GAN: variants seen among roughly 807,000 people sequenced by gnomAD.
GAN encodes the protein gigaxonin.
Under a neutral mutation model 71.3 loss-of-function variants are expected in GAN, and 48 were observed. The ratio of observed to expected loss-of-function variants is 0.67; its 90% CI spans 0.53 to 0.86. The LOEUF (loss-of-function observed/expected upper bound fraction) is 0.86. GAN is among the 40% of genes least tolerant of loss of function. The pLI is 0.00. For synonymous variants in GAN, 386 were observed against 276.8 expected, an observed-to-expected ratio of 1.39 and a Z score of -3.92; for missense variants, 928 against 770.1, an observed-to-expected ratio of 1.21 and a Z score of -2.43.
intron 1 of GAN, among the ~76,000 whole-genome samples, chr16:81,331,574 C>T (rs1909578527): frequency 6.6e-6 from 1 of 152,162 alleles, no homozygotes; most frequent in South Asian, 2.1e-4. Context: ...TAAGGAGCGG[C>T]TCCATTTCCC....
intron 9 of GAN, among the ~76,000 whole-genome samples, chr16:81,370,182 A>G (rs1171587682): frequency 1.3e-5 from 2 of 152,180 alleles, no homozygotes; most frequent in Non-Finnish European, 2.9e-5. Flanking sequence ...GTCCACAGAG[A>G]TTTTAATCAT....
At position 81,328,675 on chromosome 16, in the gene GAN, A is replaced by AT. The variant is rs909546198; in HGVS notation, c.167+13403dup. ...TTTTTTTTTTTTTAGATCTATCACC[A>AT]TTTTTTTTAGATCTATCACCATTCC... On this transcript the variant is annotated intron_variant, in intron 1 of 10. Transcript: ENST00000648994. 1.2e-4 allele frequency among the ~76,000 whole-genome samples: 18 copies of AT among 147,936 alleles called. No individual in the cohort carries two copies. In the East Asian group the frequency reaches 2.0e-3, roughly 16 times the overall value.
rs184265806 is a variant in GAN at position 81,368,673 on chromosome 16, C to T, written c.1502+3195C>T. On this transcript the variant is annotated intron_variant, in intron 9 of 10. Coordinates refer to ENST00000648994, the MANE Select transcript of GAN (RefSeq NM_022041.4). ...CAACTCATCAGTTGCCAGGTCTGGTCCTTTTTTAAATCTTGGTAGCATTTT... is the reference window on the plus strand; with the variant it reads ...CAACTCATCAGTTGCCAGGTCTGGTTCTTTTTTAAATCTTGGTAGCATTTT... Among the ~76,000 whole-genome samples the T allele has an allele frequency of 1.8e-3, 273 of 152,056 alleles. 1 individual carries two copies. Among genetic ancestry groups the T allele is most frequent in the African/African-American group, 6.1e-3 (255 of 41,560 alleles).
At chr16:81,328,535 G>T (rs761300898) in intron 1 of GAN, among the ~76,000 whole-genome samples, 1 of 152,166 alleles carries the variant, frequency 6.6e-6, no homozygotes, top group Non-Finnish European at 1.5e-5. Context: ...ACCTACTTTG[G>T]AGACTATATC....
chr16:81,320,438 C>T (rs1038066889), intron 1 of GAN, among the ~76,000 whole-genome samples: 21 of 152,194 alleles, frequency 1.4e-4, no homozygotes, highest in Non-Finnish European at 2.5e-4. Context: ...AATACACTCC[C>T]GAGGCAGCAG....
intron 2 of GAN, among the ~76,000 whole-genome samples, chr16:81,352,191 T>C (rs1230206644): frequency 6.6e-6 from 1 of 152,172 alleles, no homozygotes; most frequent in Non-Finnish European, 1.5e-5. Flanking sequence ...GACAAGCACC[T>C]TATTCACGAT....
chr16:81,347,152 C>T (rs1375119606), intron 1 of GAN, among the ~76,000 whole-genome samples: 1 of 152,146 alleles, frequency 6.6e-6, no homozygotes, highest in East Asian at 1.9e-4. Context: ...GGAGAATTGA[C>T]TCAAATTCTT....
intron 1 of GAN, among the ~76,000 whole-genome samples, chr16:81,340,325 T>C (rs1034191007): frequency 1.3e-4 from 19 of 151,924 alleles, no homozygotes; most frequent in Admixed American, 3.9e-4. Context: ...ATAAAACCCA[T>C]CCAGTCACAT....
chr16:81,359,027 A>G (rs1910582785), intron 5 of GAN, among the ~76,000 whole-genome samples: 1 of 152,202 alleles, frequency 6.6e-6, no homozygotes, highest in Non-Finnish European at 1.5e-5. Context: ...ATACTGTACC[A>G]CAGTGCATCA....
chr16:81,337,544 T>C (rs778104185), intron 1 of GAN, among the ~76,000 whole-genome samples: 1 of 152,224 alleles, frequency 6.6e-6, no homozygotes, highest in Non-Finnish European at 1.5e-5. Flanking sequence ...TGGTTTGTTG[T>C]GGCTTTTAGA....
Position 81,377,524 on chromosome 16 carries a change from C to CATTGCGA in GAN, c.1728_1734dup (p.Lys579GlufsTer38). 1 of 1,614,164 alleles carries CATTGCGA rather than the reference C, an allele frequency of 6.2e-7. No individual in the cohort carries two copies. Among genetic ancestry groups the CATTGCGA allele is most frequent in the Non-Finnish European group, 8.5e-7 (1 of 1,179,972 alleles). ...GCCGTACAGGATGTGCAGCCTTACG[C>CATTGCGA]ATTGCGAATTGCAAGCTTTTCCGCC... On this transcript the variant is annotated frameshift_variant, in exon 11 of 11. Transcript: ENST00000648994. LOFTEE classifies it high-confidence loss of function.
At chr16:81,326,241 G>C (rs562412411) in intron 1 of GAN, among the ~76,000 whole-genome samples, 1 of 152,146 alleles carries the variant, frequency 6.6e-6, no homozygotes, top group Non-Finnish European at 1.5e-5. Context: ...GAGTTGGTTG[G>C]GTGCCGTGGC....
chr16:81,357,889 C>A lies in GAN; in HGVS notation c.931C>A (p.Pro311Thr). The A allele has an allele frequency of 1.9e-6, 3 of 1,613,884 alleles. No homozygotes were observed. The highest frequency in any genetic ancestry group is 2.5e-6 in the Non-Finnish European group (3 of 1,179,818). The part of the protein sequence containing the change: ...PNRQLWIELA[P>T]LSMPRINHGV... Reference sequence around the variant, plus strand: ...CAGGCAGCTTTGGATCGAACTGGCCCCTTTAAGCATGCCGAGAATTAACCA... The same window carrying A: ...CAGGCAGCTTTGGATCGAACTGGCCACTTTAAGCATGCCGAGAATTAACCA... Residue 311 changes from proline to threonine, a missense_variant, in exon 5 of 11, where the codon CCT becomes ACT. Coordinates refer to ENST00000648994, the MANE Select transcript of GAN (RefSeq NM_022041.4).
chr16:81,349,186 C>A (rs910651075), intron 1 of GAN, among the ~76,000 whole-genome samples: 3 of 152,136 alleles, frequency 2.0e-5, no homozygotes, highest in African/African-American at 4.8e-5. Context: ...TCTTTCACCC[C>A]CTGCCCCACC....
chr16:81,346,433 G>C (rs1020444940), intron 1 of GAN, among the ~76,000 whole-genome samples: 13 of 152,102 alleles, frequency 8.5e-5, no homozygotes, highest in Admixed American at 4.6e-4. Context: ...TGGGAGGTGA[G>C]GCCCTGGTGA....
At position 81,378,841 on chromosome 16, in the gene GAN, C is replaced by T. The variant is rs1478642188; in HGVS notation, c.*1245C>T. On this transcript the variant is annotated 3_prime_UTR_variant, in exon 11 of 11. Coordinates refer to ENST00000648994, the MANE Select transcript of GAN (RefSeq NM_022041.4). The stretch of plus-strand genomic sequence containing the variant: ...CACCTCAACCCACTTTACCCCACTT[C>T]TCATTGGGGGAAAAATGTCTTTCGT... 3 of 152,620 alleles carry T rather than the reference C, an allele frequency of 2.0e-5. No individual in the cohort carries two copies. The East Asian group carries it at 5.8e-4, about 29-fold the overall frequency. The allele number at this position is 152,620 out of a possible 1,614,324, so 9.5% of individuals were successfully genotyped here. A position where few individuals can be genotyped will look rare whatever the true frequency, so the allele number is the denominator to read the frequency against.
chr16:81,324,546 G>C lies in GAN; in HGVS notation c.167+9266G>C, dbSNP rs147524846. The stretch of plus-strand genomic sequence containing the variant: ...CATACCTGGAGATGGTGAGCAAAGG[G>C]TGGGATGGCATCGACAACAGATTAG... On this transcript the variant is annotated intron_variant, in intron 1 of 10. Transcript: ENST00000648994. Among the ~76,000 whole-genome samples, 381 of 152,268 alleles carry C rather than the reference G, an allele frequency of 2.5e-3. 1 individual carries two copies. The highest frequency in any genetic ancestry group is 8.8e-3 in the African/African-American group (366 of 41,554).
chr16:81,363,905 A>G lies in GAN; in HGVS notation c.1198A>G (p.Thr400Ala). 1 of 1,613,642 alleles carries G rather than the reference A, an allele frequency of 6.2e-7. No individual in the cohort carries two copies. The highest frequency in any genetic ancestry group is 8.5e-7 in the Non-Finnish European group (1 of 1,179,556). ...SMECYDIYSK[T>A]WTKQPDLTMV... Reference sequence around the variant, plus strand: ...GGAGTGTTACGATATTTATTCTAAAACCTGGACAAAGCAACCTGATTTGAC... The same window carrying G: ...GGAGTGTTACGATATTTATTCTAAAGCCTGGACAAAGCAACCTGATTTGAC... The change falls in exon 7 of 11, where the codon ACC (threonine) becomes GCC (alanine). Residue 400 changes from threonine to alanine, a missense_variant. Thr to Ala is a moderately conservative substitution (Grantham distance 58). Transcript: ENST00000648994.
rs1301648787 is a variant in GAN, at chr16:81,356,834, C to G, written c.683C>G (p.Ser228Cys). 6.2e-7 allele frequency: 1 copy of G among 1,613,732 alleles called. No homozygotes were observed. The highest frequency in any genetic ancestry group is 8.5e-7 in the Non-Finnish European group (1 of 1,179,804). Residue 228 changes from serine to cysteine, a missense_variant, in exon 4 of 11, where the codon TCC (serine) becomes TGC (cysteine). Coordinates refer to ENST00000648994, the MANE Select transcript of GAN (RefSeq NM_022041.4). Reference sequence around the variant, plus strand: ...GCTCTGTGGGTTTCAGGGTTGGACTCCAGTTATTTACGGGAACAGATGCTG... The same window carrying G: ...GCTCTGTGGGTTTCAGGGTTGGACTGCAGTTATTTACGGGAACAGATGCTG... ...MSALWVSGLD[S>C]SYLREQMLNE...
Sources: allele counts gnomAD v4.1 joint callset (sites outside exome capture counted in the v4.1 genomes callset), GRCh38; gene constraint gnomAD v4.1.1; transcripts MANE v1.5; gene names NCBI Gene and HGNC (gene_info 2026-07-23, HGNC 2026-07-21).